The following CLMP variants were observed in gnomAD, a reference collection of about 807,000 sequenced individuals.
CLMP encodes CXADR like cell adhesion molecule.
A neutral mutation model predicts 45.2 loss-of-function variants in CLMP; 27 were observed. The ratio of observed to expected loss-of-function variants is 0.60; its 90% CI spans 0.44 to 0.82. CLMP has a LOEUF of 0.82. Among genes scored for constraint, CLMP ranks in the 40% least tolerant of loss-of-function variants. CLMP has a pLI of 0.00. For synonymous variants in CLMP, 167 were observed against 171.4 expected, an observed-to-expected ratio of 0.97 and a Z score of 0.20; for missense variants, 403 against 448.4, an observed-to-expected ratio of 0.90 and a Z score of 0.91.
chr11:123,144,967 A>T (rs1202029352), intron 1 of CLMP, among the ~76,000 whole-genome samples: 1 of 152,058 alleles, frequency 6.6e-6, no homozygotes, highest in Non-Finnish European at 1.5e-5. Context: ...GTGGCAATGG[A>T]GCAATTGAAA....
chr11:123,104,825 G>A (rs554942224), intron 1 of CLMP, among the ~76,000 whole-genome samples: 10 of 152,344 alleles, frequency 6.6e-5, no homozygotes, highest in Non-Finnish European at 1.5e-4. Context: ...ATTCATCTTT[G>A]TTAGGAAAGA....
At chr11:123,117,302 G>A (rs1475872382) in intron 1 of CLMP, among the ~76,000 whole-genome samples, 4 of 151,988 alleles carry the variant, frequency 2.6e-5, no homozygotes, top group African/African-American at 9.7e-5. Context: ...ATTTTACAGA[G>A]TAAAACCTGA....
At chr11:123,097,197 C>T (rs1224240512) in intron 2 of CLMP, among the ~76,000 whole-genome samples, 1 of 151,674 alleles carries the variant, frequency 6.6e-6, no homozygotes, top group Non-Finnish European at 1.5e-5. Flanking sequence ...CTGTATTGCC[C>T]AGGCTCAAGT....
intron 1 of CLMP, among the ~76,000 whole-genome samples, chr11:123,192,803 G>C (rs1861926407): frequency 6.6e-6 from 1 of 152,108 alleles, no homozygotes; most frequent in Non-Finnish European, 1.5e-5. Flanking sequence ...TAGAAAAAGA[G>C]AAGCCAAAAA....
chr11:123,172,547 C>T (rs559532740), intron 1 of CLMP, among the ~76,000 whole-genome samples: 1 of 152,206 alleles, frequency 6.6e-6, no homozygotes, highest in Non-Finnish European at 1.5e-5. Context: ...AATGGCACCA[C>T]CTTGGCTCAC....
intron 1 of CLMP, chr11:123,136,245 AT>A: frequency 3.1e-6 from 2 of 652,852 alleles, no homozygotes; most frequent in Non-Finnish European, 5.9e-6. Context: ...GCTACTGCGT[AT>A]TTTTCCACCA....
intron 1 of CLMP, among the ~76,000 whole-genome samples, chr11:123,104,327 C>T (rs986965469): frequency 1.3e-5 from 2 of 151,238 alleles, no homozygotes; most frequent in East Asian, 1.9e-4. Flanking sequence ...GTGATCTGCC[C>T]GCCTCAGCCT....
intron 1 of CLMP, among the ~76,000 whole-genome samples, chr11:123,108,827 G>A (rs987807671): frequency 3.9e-5 from 6 of 152,138 alleles, no homozygotes; most frequent in Admixed American, 1.3e-4. Flanking sequence ...GCTGAGGCGG[G>A]CGGATCACCT....
chr11:123,169,176 G>A (rs1296777724), intron 1 of CLMP, among the ~76,000 whole-genome samples: 3 of 152,178 alleles, frequency 2.0e-5, no homozygotes, highest in Non-Finnish European at 4.4e-5. Context: ...CAAAGAGGAA[G>A]AGATTTTGCT....
At chr11:123,078,863 C>G (rs958898065) in intron 5 of CLMP, among the ~76,000 whole-genome samples, 1 of 152,116 alleles carries the variant, frequency 6.6e-6, no homozygotes, top group Non-Finnish European at 1.5e-5. Context: ...CCAGGATGGT[C>G]TCGATCTCTT....
At chr11:123,081,007 G>A (rs1865797811) in intron 5 of CLMP, among the ~76,000 whole-genome samples, 1 of 152,004 alleles carries the variant, frequency 6.6e-6, no homozygotes, top group South Asian at 2.1e-4. Context: ...TTAGCCAGGT[G>A]TGGTGGCACA....
Position 123,195,097 on chromosome 11 carries a change from C to A in CLMP, c.-157G>T, listed in dbSNP as rs1173779192. 1 of 499,242 alleles carries A rather than the reference C, an allele frequency of 2.0e-6. No homozygotes were observed. The highest frequency in any genetic ancestry group is 3.0e-6 in the Non-Finnish European group (1 of 330,976). 30.9% of individuals were successfully genotyped at this position (499,242 alleles called of 1,614,324 possible). A position where few individuals can be genotyped will look rare whatever the true frequency, so the allele number is the denominator to read the frequency against. ...GCCGGGCGGGAGCCGGCCCCGCGCC[C>A]CGTGCCCCTGGGGGCAGATGGGCTC... On this transcript the variant is annotated 5_prime_UTR_variant, in exon 1 of 7. Transcript: ENST00000448775.
Position 123,177,073 on chromosome 11 carries a change from A to G in CLMP, c.28+17840T>C, listed in dbSNP as rs1397413769. The stretch of plus-strand genomic sequence containing the variant: ...GTAGCAGGTGCGGGTGATTGTTGCC[A>G]TAACAGAAAGTTCATGAGAGCTTAG... On this transcript the variant is annotated intron_variant, in intron 1 of 6. Coordinates refer to ENST00000448775, the MANE Select transcript of CLMP (RefSeq NM_024769.5). 2.0e-5 allele frequency among the ~76,000 whole-genome samples: 3 copies of G among 152,336 alleles called. No individual in the cohort carries two copies. The East Asian group carries it at 5.8e-4, about 29-fold the overall frequency.
chr11:123,114,662 C>T (rs11218991), intron 1 of CLMP, among the ~76,000 whole-genome samples: 4 of 151,998 alleles, frequency 2.6e-5, no homozygotes, highest in Non-Finnish European at 4.4e-5. Context: ...ACAGATAGTA[C>T]AAATTTGGCA....
rs764613429 is a variant in CLMP, at chr11:123,073,589, A to T, written c.1007T>A (p.Val336Glu). Residue 336 changes from valine to glutamate, a missense_variant, in exon 7 of 7, where the codon GTG (valine) becomes GAG (glutamate). Transcript: ENST00000448775. Reference protein sequence around the residue: ...PGLATQAYSLVGPEVRGSEPK... With the variant: ...PGLATQAYSLEGPEVRGSEPK... ...TTCAGAACCTCTCACCTCTGGCCCC[A>T]CTAGGCTGTATGCCTGGGTGGCCAG... is the stretch of plus-strand genomic sequence containing the variant. 1.2e-6 allele frequency: 2 copies of T among 1,614,236 alleles called. No individual in the cohort carries two copies. Among genetic ancestry groups the T allele is most frequent in the Admixed American group, 1.7e-5 (1 of 60,024 alleles).
intron 1 of CLMP, among the ~76,000 whole-genome samples, chr11:123,147,981 A>C (rs1861262707): frequency 6.6e-6 from 1 of 152,128 alleles, no homozygotes; most frequent in African/African-American, 2.4e-5. Context: ...CGTGGCTTAG[A>C]CACTGACTTT....
intron 1 of CLMP, among the ~76,000 whole-genome samples, chr11:123,127,374 G>A (rs1298168950): frequency 6.6e-6 from 1 of 152,048 alleles, no homozygotes; most frequent in Non-Finnish European, 1.5e-5. Flanking sequence ...CACACACCTC[G>A]GCCTCCCAAA....
At chr11:123,173,389 C>G (rs990479414) in intron 1 of CLMP, among the ~76,000 whole-genome samples, 1 of 152,238 alleles carries the variant, frequency 6.6e-6, no homozygotes, top group African/African-American at 2.4e-5. Flanking sequence ...TTGTAACACA[C>G]AGTCTTACAT....
At chr11:123,163,978 G>A (rs1861522180) in intron 1 of CLMP, among the ~76,000 whole-genome samples, 1 of 152,108 alleles carries the variant, frequency 6.6e-6, no homozygotes. Flanking sequence ...CCCACATTTT[G>A]TTTTATTAAA....
Sources: gnomAD v4.1 joint callset for allele counts (sites outside exome capture counted in the v4.1 genomes callset) on GRCh38, gnomAD v4.1.1 for gene constraint, MANE v1.5 for transcripts, NCBI Gene and HGNC (gene_info 2026-07-23, HGNC 2026-07-21) for gene names.